The following ATP8B4 variants were observed in gnomAD, a reference collection of about 807,000 sequenced individuals.
ATP8B4 encodes ATPase phospholipid transporting 8B4 (putative).
In ATP8B4, 133 loss-of-function variants were observed where a neutral mutation model predicts 145.6. The observed-to-expected ratio is 0.91, with a 90% CI of 0.79 to 1.05. The LOEUF (loss-of-function observed/expected upper bound fraction) is 1.05, where lower values mean the gene tolerates loss of function less well. ATP8B4 is among the 50% of genes least tolerant of loss of function. The pLI is 0.00. For missense variants in ATP8B4, 1,458 were observed against 1,425.2 expected, an observed-to-expected ratio of 1.02 and a Z score of -0.37; for synonymous variants, 507 against 492.9, an observed-to-expected ratio of 1.03 and a Z score of -0.38.
intron 1 of ATP8B4, among the ~76,000 whole-genome samples, chr15:50,111,949 T>C (rs1361851387): frequency 6.6e-6 from 1 of 151,996 alleles, no homozygotes; most frequent in African/African-American, 2.4e-5. Flanking sequence ...GGGAGGATTG[T>C]TTGAATCCAG....
chr15:50,132,902 T>C (rs967984486), intron 1 of ATP8B4, among the ~76,000 whole-genome samples: 1 of 151,054 alleles, frequency 6.6e-6, no homozygotes, highest in African/African-American at 2.4e-5. Context: ...AAAGTGGGAG[T>C]TGAACAATGA....
At chr15:50,173,905 G>A (rs2044725554) in intron 1 of ATP8B4, among the ~76,000 whole-genome samples, 1 of 152,066 alleles carries the variant, frequency 6.6e-6, no homozygotes, top group Non-Finnish European at 1.5e-5. Flanking sequence ...CAAAATACTA[G>A]CTAACTAAAT....
intron 6 of ATP8B4, among the ~76,000 whole-genome samples, chr15:50,021,608 CT>C: frequency 6.6e-6 from 1 of 152,326 alleles, no homozygotes; most frequent in Admixed American, 6.5e-5. Context: ...TGGTCACCGT[CT>C]TTAAAATCAT....
At chr15:49,895,006 G>C (rs1238429470) in intron 23 of ATP8B4, 1 of 152,226 alleles carries the variant, frequency 6.6e-6, no homozygotes, top group Non-Finnish European at 1.5e-5. Flanking sequence ...CTAAACTGGG[G>C]AAAGAAATCC....
At chr15:50,126,405 G>A (rs1262066896) in intron 1 of ATP8B4, among the ~76,000 whole-genome samples, 2 of 152,078 alleles carry the variant, frequency 1.3e-5, no homozygotes, top group East Asian at 1.9e-4. Flanking sequence ...GAAATGTCCC[G>A]ATGACCTGAT....
intron 13 of ATP8B4, among the ~76,000 whole-genome samples, chr15:49,972,260 T>C (rs1395506309): frequency 1.3e-5 from 2 of 152,084 alleles, no homozygotes; most frequent in Non-Finnish European, 1.5e-5. Context: ...ATCCCAAAAC[T>C]TAAAGTATAA....
intron 3 of ATP8B4, among the ~76,000 whole-genome samples, chr15:50,049,636 G>C (rs553415817): frequency 6.6e-6 from 1 of 152,116 alleles, no homozygotes; most frequent in African/African-American, 2.4e-5. Context: ...CTTTATGGTA[G>C]AACGATTTAT....
intron 6 of ATP8B4, among the ~76,000 whole-genome samples, chr15:50,032,494 T>C (rs1283497209): frequency 2.0e-5 from 3 of 152,232 alleles, no homozygotes; most frequent in Non-Finnish European, 4.4e-5. Flanking sequence ...GCAATAAACA[T>C]ACATGTGCAT....
At chr15:50,040,841 G>A (rs1034453652) in intron 5 of ATP8B4, among the ~76,000 whole-genome samples, 2 of 152,146 alleles carry the variant, frequency 1.3e-5, no homozygotes, top group African/African-American at 4.8e-5. Context: ...AAGTCTCAGA[G>A]GGGAACTTCC....
intron 14 of ATP8B4, among the ~76,000 whole-genome samples, chr15:49,959,413 G>A (rs10083723): frequency 0.83 from 125,451 of 151,954 alleles, 51,947 homozygotes; most frequent in East Asian, 0.96. Context: ...TGTCAGAAAT[G>A]AAGATATTTA....
chr15:49,876,635 C>G (rs2034471513), intron 24 of ATP8B4, 112 bp from the exon 25 acceptor site: 2 of 1,417,984 alleles, frequency 1.4e-6, no homozygotes, highest in Non-Finnish European at 2.0e-6. Context: ...CTAAAATGCA[C>G]TACTCACTGG....
At chr15:49,862,455 A>G (rs1264299920) in intron 26 of ATP8B4, 80 bp from the exon 27 acceptor site, 7 of 1,483,976 alleles carry the variant, frequency 4.7e-6, no homozygotes, top group Non-Finnish European at 6.4e-6. Flanking sequence ...TGTTCCTACA[A>G]GATCTTTTTT....
intron 1 of ATP8B4, among the ~76,000 whole-genome samples, chr15:50,141,190 G>T (rs376344453): frequency 6.6e-6 from 1 of 151,986 alleles, no homozygotes; most frequent in African/African-American, 2.4e-5. Context: ...AAAGAGCGGC[G>T]ACCTCCTTTT....
intron 1 of ATP8B4, among the ~76,000 whole-genome samples, chr15:50,177,897 C>T (rs981908800): frequency 1.3e-5 from 2 of 152,120 alleles, no homozygotes; most frequent in Admixed American, 6.5e-5. Flanking sequence ...GAAGGGACGC[C>T]ACCTGCTTTA....
chr15:50,171,165 C>T (rs2044668760), intron 1 of ATP8B4, among the ~76,000 whole-genome samples: 2 of 152,070 alleles, frequency 1.3e-5, no homozygotes, highest in Non-Finnish European at 2.9e-5. Flanking sequence ...GACAGAAAGT[C>T]AATAAACAAT....
chr15:49,979,900 G>A lies in ATP8B4; in HGVS notation c.838-87C>T. ...GATCTAATTACGCATCTAACTCCAA[G>A]AAATAGTCATTTGAAAAGCAAGTAT... On this transcript the variant is annotated intron_variant, in intron 11 of 27. Coordinates refer to ENST00000284509, the MANE Select transcript of ATP8B4 (RefSeq NM_024837.4). The A allele has an allele frequency of 3.2e-6, 3 of 923,250 alleles. 1 individual carries two copies. In the South Asian group the frequency reaches 7.2e-5, roughly 22 times the overall value. The allele number at this position is 923,250 out of a possible 1,614,324, so 57.2% of individuals were successfully genotyped here.
chr15:50,109,466 A>G (rs1448360169), intron 1 of ATP8B4, among the ~76,000 whole-genome samples: 1 of 152,072 alleles, frequency 6.6e-6, no homozygotes, highest in Non-Finnish European at 1.5e-5. Flanking sequence ...TTCTGTGACA[A>G]CGACATCTGT....
chr15:50,167,065 T>A (rs1246744154), intron 1 of ATP8B4, among the ~76,000 whole-genome samples: 1 of 152,238 alleles, frequency 6.6e-6, no homozygotes, highest in African/African-American at 2.4e-5. Flanking sequence ...TCTCACTGTT[T>A]CAGTGAAATA....
intron 3 of ATP8B4, among the ~76,000 whole-genome samples, chr15:50,061,762 G>A (rs2053044215): frequency 6.6e-6 from 1 of 152,050 alleles, no homozygotes; most frequent in Non-Finnish European, 1.5e-5. Context: ...GTGCAAGTTG[G>A]GAAGTTTTCA....
Sources: gnomAD v4.1 joint callset for allele counts (sites outside exome capture counted in the v4.1 genomes callset) on GRCh38, gnomAD v4.1.1 for gene constraint, MANE v1.5 for transcripts, NCBI Gene and HGNC (gene_info 2026-07-23, HGNC 2026-07-21) for gene names.